CDC42BPG: variants seen among roughly 807,000 people sequenced by gnomAD.
CDC42BPG encodes the protein CDC42 binding protein kinase gamma.
CDC42BPG carries 157 observed loss-of-function variants against 192.2 expected under a neutral mutation model. The ratio of observed to expected loss-of-function variants is 0.82; its 90% CI spans 0.72 to 0.93. CDC42BPG has a LOEUF of 0.93. CDC42BPG is among the 40% of genes least tolerant of loss of function. CDC42BPG has a pLI of 0.00. For missense variants in CDC42BPG, 1,992 were observed against 2,122.1 expected (o/e 0.94, Z 1.20); for synonymous variants, 981 against 918.5 (o/e 1.07, Z -1.23).
rs1212838622 is a variant in CDC42BPG, at chr11:64,830,209, G to A, written c.3352C>T (p.His1118Tyr). The A allele has an allele frequency of 1.2e-6, 2 of 1,613,576 alleles. No homozygotes were observed. Among genetic ancestry groups the A allele is most frequent in the East Asian group, 2.2e-5 (1 of 44,870 alleles). The stretch of plus-strand genomic sequence containing the variant: ...TGATAGGTACCGTTGCTGCGCAGAT[G>A]GATGACAAAGAGCCCCTCCTCGGTG... The part of the protein sequence containing the change: ...LGTEEGLFVI[H>Y]LRSNDIFQVG... The change falls in exon 29 of 37, where the codon CAT (histidine) becomes TAT (tyrosine). Residue 1118 changes from histidine (H) to tyrosine (Y), a missense_variant. His to Tyr is a moderately conservative substitution (Grantham distance 83, BLOSUM62 2). Transcript: ENST00000342711.
intron 1 of CDC42BPG, 147 bp downstream of exon 1, chr11:64,844,263 G>A: frequency 4.2e-6 from 3 of 707,620 alleles, no homozygotes; most frequent in South Asian, 3.5e-5. Flanking sequence ...GGCCGCGGGG[G>A]TCCGGTGGTA....
rs748871369 is a variant in CDC42BPG, at chr11:64,836,940, G to T, written c.1285C>A (p.Leu429Met). ...LQCLEQEKVE[L>M]SRKHQEALHA... Reference sequence around the variant, plus strand: ...CCAGTACCTTGGTGCTTCCTGCTCAGCTCCACCTTCTCCTGCTCCAGACAC... The same window carrying T: ...CCAGTACCTTGGTGCTTCCTGCTCATCTCCACCTTCTCCTGCTCCAGACAC... Residue 429 changes from leucine (L) to methionine (M), a missense_variant, in exon 10 of 37, where the codon CTG becomes ATG. Leu to Met is a conservative substitution (Grantham distance 15). This residue lies in a region of CDC42BPG where 1,656 missense variants were observed against 1,844.3 expected (regional missense o/e 0.90). Transcript: ENST00000342711. The T allele has an allele frequency of 6.2e-7, 1 of 1,613,502 alleles. No individual in the cohort carries two copies.
Position 64,834,935 on chromosome 11 carries a change from A to T in CDC42BPG, c.2089T>A (p.Tyr697Asn). 4 of 1,614,124 alleles carry T rather than the reference A, an allele frequency of 2.5e-6. No individual in the cohort carries two copies. Among genetic ancestry groups the T allele is most frequent in the Non-Finnish European group, 3.4e-6 (4 of 1,180,018 alleles). ...WVNDEKVSRG[Y>N]LQALATKMAE... ...ATCTTGGTGGCCAGGGCCTGCAGGT[A>T]GCCTCTTGAGACCTTCTCATCATTC... Residue 697 changes from tyrosine to asparagine, a missense_variant, in exon 18 of 37, where the codon TAC becomes AAC. This residue lies in a region of CDC42BPG where 1,656 missense variants were observed against 1,844.3 expected (regional missense o/e 0.90). Transcript: ENST00000342711.
chr11:64,839,194 A>C lies in CDC42BPG; in HGVS notation c.715T>G (p.Ser239Ala), dbSNP rs767270879. The C allele has an allele frequency of 1.4e-5, 23 of 1,613,164 alleles. No individual in the cohort carries two copies. Among genetic ancestry groups the C allele is most frequent in the Admixed American group, 3.3e-5 (2 of 60,008 alleles). Reference protein sequence around the residue: ...SVAVGTPDYISPEILQAMEEG... With the variant: ...SVAVGTPDYIAPEILQAMEEG... ...TCCATGGCCTGCAGGATCTCAGGGG[A>C]GATATAGTCCGGCGTCCCTACTGCC... Residue 239 changes from serine to alanine, a missense_variant, in exon 7 of 37, where the codon TCC becomes GCC. By Grantham distance (99) the Ser-to-Ala change is moderately conservative (BLOSUM62 1). Coordinates refer to ENST00000342711, the MANE Select transcript of CDC42BPG (RefSeq NM_017525.3).
intron 6 of CDC42BPG, 99 bp downstream of exon 6, chr11:64,839,379 G>A: frequency 6.7e-7 from 1 of 1,488,976 alleles, no homozygotes; most frequent in African/African-American, 1.4e-5. Flanking sequence ...CCTTCCCCGG[G>A]GGGCCTGATG....
At chr11:64,835,017 TC>T in intron 17 of CDC42BPG, 29 bp downstream of exon 17, 2 of 1,571,952 alleles carry the variant, frequency 1.3e-6, no homozygotes. Flanking sequence ...TCGCCTGCGT[TC>T]CCCACCCCGA....
chr11:64,834,771 T>C (rs1477443379), intron 18 of CDC42BPG, 78 bp downstream of exon 18: 22 of 1,435,958 alleles, frequency 1.5e-5, no homozygotes, highest in Non-Finnish European at 1.9e-5. Context: ...GTAGTGACCT[T>C]CAGTAGCAGG....
Position 64,835,386 on chromosome 11 carries a change from C to T in CDC42BPG, c.1914G>A (p.Leu638=), listed in dbSNP as rs1942933127. 1 of 1,613,838 alleles carries T rather than the reference C, an allele frequency of 6.2e-7. No individual in the cohort carries two copies. Among genetic ancestry groups the T allele is most frequent in the African/African-American group, 1.3e-5 (1 of 74,946 alleles). Residue 638 remains leucine (L), a synonymous_variant, in exon 16 of 37, where the codon CTG becomes CTA. Coordinates refer to ENST00000342711, the MANE Select transcript of CDC42BPG (RefSeq NM_017525.3). ...GGCTCAGCCTCCGGTTTTCCTCCTG[C>T]AGCTGGCACAGAGCCTCCTCCTTAC... is the stretch of plus-strand genomic sequence containing the variant. The part of the protein sequence containing the change: ...PSGKEEALCQ[L]QEENRRLSRE...
In CDC42BPG at chr11:64,827,627, C is replaced by T. The variant is rs371964647; in HGVS notation, c.4066-16G>A. On this transcript the variant is annotated splice_polypyrimidine_tract_variant and intron_variant, in intron 31 of 36. Coordinates refer to ENST00000342711, the MANE Select transcript of CDC42BPG (RefSeq NM_017525.3). ...GGGGCCGCACCTGAGGCAGCAGGCA[C>T]AGCGGTCAGGCCACGCCTCCACCCC... 4.5e-5 allele frequency: 72 copies of T among 1,606,690 alleles called. No individual in the cohort carries two copies. The highest frequency in any genetic ancestry group is 3.5e-5 in the Non-Finnish European group (41 of 1,174,882).
At chr11:64,844,322 C>T in intron 1 of CDC42BPG, 88 bp downstream of exon 1, 1 of 1,208,210 alleles carries the variant, frequency 8.3e-7, no homozygotes, top group Non-Finnish European at 1.1e-6. Flanking sequence ...CGTGGGGGTG[C>T]GGGTCCCTGC....
chr11:64,834,790 G>A, intron 18 of CDC42BPG, 59 bp downstream of exon 18: 1 of 1,503,128 alleles, frequency 6.7e-7, no homozygotes, highest in Non-Finnish European at 9.1e-7. Flanking sequence ...GGGATGCTGA[G>A]CTCACGGAAG....
chr11:64,835,404 C>T lies in CDC42BPG; in HGVS notation c.1896G>A (p.Glu632=), dbSNP rs1308590727. The change falls in exon 16 of 37, where the codon GAG becomes GAA. Residue 632 remains glutamate, a synonymous_variant. Coordinates refer to ENST00000342711, the MANE Select transcript of CDC42BPG (RefSeq NM_017525.3). ...CCTCCTGCAGCTGGCACAGAGCCTC[C>T]TCCTTACCACTCGGCCTGGGGAGGA... ...QAHSHRPSGK[E]EALCQLQEEN... is the part of the protein sequence containing the mutation. The T allele has an allele frequency of 5.6e-6, 9 of 1,613,696 alleles. No individual in the cohort carries two copies. Among genetic ancestry groups the T allele is most frequent in the Non-Finnish European group, 7.6e-6 (9 of 1,180,020 alleles).
Position 64,829,614 on chromosome 11 carries a change from C to A in CDC42BPG, c.3824G>T (p.Gly1275Val). ...CACGGCACCCAGTGCCTCACCCAGG[C>A]CCCCGCGGGATGGTGGCAGCTCCTC... Reference protein sequence around the residue: ...VPEELPPSRGGLGEALGAVEL... With the variant: ...VPEELPPSRGVLGEALGAVEL... Residue 1275 changes from glycine (G) to valine (V), a missense_variant, in exon 30 of 37, where the codon GGC becomes GTC. Gly to Val is a moderately radical substitution (Grantham distance 109). Around this residue, in one of 2 missense-constraint regions of CDC42BPG, gnomAD observed 1,656 missense variants for 1,844.3 expected, o/e 0.90. Coordinates refer to ENST00000342711, the MANE Select transcript of CDC42BPG (RefSeq NM_017525.3). The A allele has an allele frequency of 6.2e-7, 1 of 1,611,686 alleles. No individual in the cohort carries two copies. The highest frequency in any genetic ancestry group is 8.5e-7 in the Non-Finnish European group (1 of 1,179,362).
intron 5 of CDC42BPG, 72 bp downstream of exon 5, chr11:64,840,048 T>G: frequency 1.4e-6 from 2 of 1,447,444 alleles, no homozygotes; most frequent in Non-Finnish European, 1.9e-6. Flanking sequence ...TGACATCAGC[T>G]GTCCCCAGCA....
At position 64,824,326 on chromosome 11, in the gene CDC42BPG, G is replaced by A; in HGVS notation, c.*147C>T. 1 of 739,674 alleles carries A rather than the reference G, an allele frequency of 1.4e-6. No homozygotes were observed. The highest frequency in any genetic ancestry group is 2.5e-6 in the Non-Finnish European group (1 of 400,342). 45.8% of individuals were successfully genotyped at this position (739,674 alleles called of 1,614,324 possible). A position where few individuals can be genotyped will look rare whatever the true frequency, so the allele number is the denominator to read the frequency against. ...AGGACCCCCAAGTCCTGGGAACCCA[G>A]GCAAGTCTCCCAGTCATTGCCCAGC... On this transcript the variant is annotated 3_prime_UTR_variant, in exon 37 of 37. Coordinates refer to ENST00000342711, the MANE Select transcript of CDC42BPG (RefSeq NM_017525.3).
Position 64,829,611 on chromosome 11 carries a change from A to AGTG in CDC42BPG, c.3826_3827insCAC (p.Gly1275_Leu1276insPro), listed in dbSNP as rs1364037393. 77 of 1,611,872 alleles carry AGTG rather than the reference A, an allele frequency of 4.8e-5. No individual in the cohort carries two copies. The highest frequency in any genetic ancestry group is 6.4e-5 in the Non-Finnish European group (75 of 1,179,460). ...CTCCACGGCACCCAGTGCCTCACCCAGGCCCCCGCGGGATGGTGGCAGCTC... is the reference window on the plus strand; with the variant it reads ...CTCCACGGCACCCAGTGCCTCACCCAGTGGGCCCCCGCGGGATGGTGGCAGCTC... On this transcript the variant is annotated inframe_insertion, in exon 30 of 37. Coordinates refer to ENST00000342711, the MANE Select transcript of CDC42BPG (RefSeq NM_017525.3).
chr11:64,833,721 G>A lies in CDC42BPG; in HGVS notation c.2565+17C>T, dbSNP rs752481471. 5.6e-6 allele frequency: 9 copies of A among 1,613,764 alleles called. No homozygotes were observed. In the South Asian group the frequency reaches 8.8e-5, roughly 16 times the overall value. On this transcript the variant is annotated intron_variant, in intron 22 of 36. Coordinates refer to ENST00000342711, the MANE Select transcript of CDC42BPG (RefSeq NM_017525.3). ...GGCGGGGCCCAGGCCCCCTACGATG[G>A]ACCCACCTGTCCTCACCCCCATGCG...
Position 64,827,126 on chromosome 11 carries a change from G to A in CDC42BPG, c.4313C>T (p.Ser1438Leu), listed in dbSNP as rs1046811787. The A allele has an allele frequency of 1.2e-6, 2 of 1,614,160 alleles. No individual in the cohort carries two copies. Among genetic ancestry groups the A allele is most frequent in the African/African-American group, 1.3e-5 (1 of 75,056 alleles). Residue 1438 changes from serine to leucine, a missense_variant, in exon 34 of 37, where the codon TCG (serine) becomes TTG (leucine). By Grantham distance (145) the Ser-to-Leu change is moderately radical (BLOSUM62 -2). This residue lies in a region of CDC42BPG where 336 missense variants were observed against 277.9 expected (regional missense o/e 1.21). Coordinates refer to ENST00000342711, the MANE Select transcript of CDC42BPG (RefSeq NM_017525.3). ...TAGGTGGTTGAAGTTGGTAGGCGGC[G>A]AGATGAGCTTGGAGCGCACAAAAGG... is the stretch of plus-strand genomic sequence containing the variant. The part of the protein sequence containing the change: ...KDPFVRSKLI[S>L]PPTNFNHLVH...
rs1187986139 is a variant in CDC42BPG at position 64,835,397 on chromosome 11, G to C, written c.1903C>G (p.Leu635Val). ...SHRPSGKEEA[L>V]CQLQEENRRL... ...CGGTTTTCCTCCTGCAGCTGGCACA[G>C]AGCCTCCTCCTTACCACTCGGCCTG... The change falls in exon 16 of 37, where the codon CTG (leucine) becomes GTG (valine). Residue 635 changes from leucine to valine, a missense_variant. Coordinates refer to ENST00000342711, the MANE Select transcript of CDC42BPG (RefSeq NM_017525.3). The C allele has an allele frequency of 1.9e-6, 3 of 1,613,842 alleles. No homozygotes were observed. The highest frequency in any genetic ancestry group is 1.7e-5 in the Admixed American group (1 of 60,024).
Sources: gnomAD v4.1 joint callset for allele counts on GRCh38, gnomAD v4.1.1 for gene constraint, gnomAD v4.1.1 regional missense constraint, MANE v1.5 for transcripts, NCBI Gene and HGNC (gene_info 2026-07-23, HGNC 2026-07-21) for gene names.